SMYD3: variants seen among roughly 807,000 people sequenced by gnomAD.
The protein encoded by SMYD3 is histone-lysine N-methyltransferase SMYD3.
In SMYD3, 36 loss-of-function variants were observed where a neutral mutation model predicts 57.7. The ratio of observed to expected loss-of-function variants is 0.62; its 90% CI spans 0.48 to 0.82. The LOEUF (loss-of-function observed/expected upper bound fraction) is 0.82, where lower values mean the gene tolerates loss of function less well. Ranked by LOEUF, SMYD3 falls within the 40% of genes least tolerant of loss-of-function variation. SMYD3 has a pLI of 0.00. For missense variants in SMYD3, 515 were observed against 538.8 expected (o/e 0.96, Z 0.44); for synonymous variants, 211 against 195.0 (o/e 1.08, Z -0.68).
At chr1:245,751,532 AAGAG>A (rs1295508359) in intron 11 of SMYD3, among the ~76,000 whole-genome samples, 2 of 136,272 alleles carry the variant, frequency 1.5e-5, no homozygotes, top group African/African-American at 5.4e-5. Context: ...GAGAGAGAGA[AAGAG>A]AGAGAAAGAG....
At chr1:245,980,695 G>T (rs1214812708) in intron 5 of SMYD3, among the ~76,000 whole-genome samples, 3 of 152,248 alleles carry the variant, frequency 2.0e-5, no homozygotes, top group Non-Finnish European at 4.4e-5. Context: ...CTCTGCAACA[G>T]GCAGCAAATG....
chr1:245,802,213 C>T (rs919636167), intron 10 of SMYD3, among the ~76,000 whole-genome samples: 7 of 152,170 alleles, frequency 4.6e-5, no homozygotes, highest in African/African-American at 1.7e-4. Flanking sequence ...TGAATACCCA[C>T]AGAATGGGGA....
At chr1:245,908,910 G>T (rs907554750) in intron 8 of SMYD3, among the ~76,000 whole-genome samples, 1 of 151,884 alleles carries the variant, frequency 6.6e-6, no homozygotes, top group African/African-American at 2.4e-5. Flanking sequence ...CAAGGAACTA[G>T]AAAAACAAGA....
At chr1:245,837,743 C>CG (rs1394924121) in intron 10 of SMYD3, among the ~76,000 whole-genome samples, 25 of 152,106 alleles carry the variant, frequency 1.6e-4, no homozygotes, top group Admixed American at 5.2e-4. Flanking sequence ...AGTCCACCCC[C>CG]GGGGAATTCA....
intron 5 of SMYD3, among the ~76,000 whole-genome samples, chr1:246,200,331 T>C (rs1450676584): frequency 6.7e-6 from 1 of 149,080 alleles, no homozygotes. Context: ...GAGAACAGCG[T>C]AGACGCTGAG....
intron 5 of SMYD3, among the ~76,000 whole-genome samples, chr1:246,214,471 C>G (rs190762179): frequency 6.6e-6 from 1 of 152,096 alleles, no homozygotes; most frequent in Admixed American, 6.5e-5. Flanking sequence ...GTTTTGAAAC[C>G]AATATGTTGA....
chr1:245,966,178 C>T (rs2058142017), intron 5 of SMYD3, among the ~76,000 whole-genome samples: 1 of 152,158 alleles, frequency 6.6e-6, no homozygotes, highest in South Asian at 2.1e-4. Flanking sequence ...TTCTCTCTCT[C>T]TCTTTCTTTT....
At chr1:245,801,556 G>C (rs988312978) in intron 10 of SMYD3, among the ~76,000 whole-genome samples, 5 of 152,106 alleles carry the variant, frequency 3.3e-5, no homozygotes, top group Admixed American at 1.3e-4. Context: ...TATAATCTTG[G>C]CCATGGTAGT....
At chr1:246,173,374 A>G (rs2062376960) in intron 5 of SMYD3, among the ~76,000 whole-genome samples, 1 of 152,278 alleles carries the variant, frequency 6.6e-6, no homozygotes, top group Non-Finnish European at 1.5e-5. Context: ...CACTTAGGCT[A>G]CACTACATTT....
intron 5 of SMYD3, among the ~76,000 whole-genome samples, chr1:246,186,457 T>C (rs972177623): frequency 1.3e-5 from 2 of 152,110 alleles, no homozygotes; most frequent in Non-Finnish European, 2.9e-5. Flanking sequence ...GATGGTTGAG[T>C]AGACAAAACA....
chr1:245,838,021 T>G (rs944987611), intron 10 of SMYD3, among the ~76,000 whole-genome samples: 1 of 152,238 alleles, frequency 6.6e-6, no homozygotes, highest in African/African-American at 2.4e-5. Flanking sequence ...GTTGAAAATA[T>G]GATCTCTGAC....
In SMYD3 at chr1:246,355,061, G is replaced by A. The variant is rs150745026; in HGVS notation, c.198C>T (p.Arg66=). The A allele has an allele frequency of 4.2e-5, 67 of 1,614,000 alleles. No individual in the cohort carries two copies. The highest frequency in any genetic ancestry group is 1.2e-4 in the African/African-American group (9 of 74,896). The change falls in exon 2 of 12, where the codon CGC becomes CGT. Residue 66 remains arginine, a synonymous_variant. Coordinates refer to ENST00000490107, the MANE Select transcript of SMYD3 (RefSeq NM_001167740.2). This position sits in a 1 kb window ranked among gnomAD's most constrained non-coding sequence, Gnocchi z 5.0. ...KEKLMRCSQC[R]VAKYCSAKCQ... is the part of the protein sequence containing the mutation. ...ACTTAGCACTACAGTATTTGGCGAC[G>A]CGGCACTGAGAGCATCGCATCAGCT...
At chr1:245,846,567 T>C (rs1447744755) in intron 10 of SMYD3, among the ~76,000 whole-genome samples, 1 of 152,204 alleles carries the variant, frequency 6.6e-6, no homozygotes, top group Non-Finnish European at 1.5e-5. Flanking sequence ...GGCTCCGTCA[T>C]GGAGTGTGCA....
Position 246,478,943 on chromosome 1 carries a change from G to A in SMYD3, c.164+28111C>T, listed in dbSNP as rs34349217. ...ACACCTGTCCTCCGTCCTGGAGCTG[G>A]TACATAAGTGCTCATATATGCACAC... On this transcript the variant is annotated intron_variant, in intron 1 of 11. Coordinates refer to ENST00000490107, the MANE Select transcript of SMYD3 (RefSeq NM_001167740.2). Among the ~76,000 whole-genome samples the A allele has an allele frequency of 5.4e-5, 8 of 147,380 alleles. 1 individual carries two copies. Among genetic ancestry groups the A allele is most frequent in the African/African-American group, 7.7e-5 (3 of 39,110 alleles).
intron 5 of SMYD3, among the ~76,000 whole-genome samples, chr1:246,254,688 T>C (rs555066690): frequency 9.2e-5 from 14 of 152,238 alleles, no homozygotes; most frequent in Non-Finnish European, 2.1e-4. Context: ...GGTAGTTTCA[T>C]AGGAATAGTG....
chr1:245,803,578 C>T (rs1320406023), intron 10 of SMYD3, among the ~76,000 whole-genome samples: 4 of 152,188 alleles, frequency 2.6e-5, no homozygotes, highest in Non-Finnish European at 2.9e-5. Context: ...GACGACAACT[C>T]AAATGCAAAC....
chr1:245,837,383 G>T (rs1185583831), intron 10 of SMYD3, among the ~76,000 whole-genome samples: 1 of 152,160 alleles, frequency 6.6e-6, no homozygotes, highest in Non-Finnish European at 1.5e-5. Context: ...AAAGTCCTCG[G>T]TGGCAAGCCT....
chr1:246,094,883 C>T (rs1025035637), intron 5 of SMYD3, among the ~76,000 whole-genome samples: 14 of 152,146 alleles, frequency 9.2e-5, no homozygotes, highest in South Asian at 2.1e-4. Context: ...AGCCTCTCTC[C>T]AGTTTGCCTC....
chr1:246,292,054 A>C (rs1479558846), intron 5 of SMYD3, among the ~76,000 whole-genome samples: 469 of 88,156 alleles, frequency 5.3e-3, no homozygotes, highest in African/African-American at 7.0e-3. Flanking sequence ...ACACCAGTAC[A>C]TTAGACTTAC....
Sources: allele counts gnomAD v4.1 joint callset (sites outside exome capture counted in the v4.1 genomes callset), GRCh38; gene constraint gnomAD v4.1.1; non-coding constraint Gnocchi (gnomAD v3.1); transcripts MANE v1.5; gene names NCBI Gene and HGNC (gene_info 2026-07-23, HGNC 2026-07-21).